KAZN: variants seen among roughly 807,000 people sequenced by gnomAD.
KAZN encodes kazrin.
KAZN carries 40 observed loss-of-function variants against 87.4 expected under a neutral mutation model. The observed-to-expected ratio is 0.46, with a 90% CI of 0.36 to 0.60. The LOEUF is 0.60. Among genes scored for constraint, KAZN ranks in the 20% least tolerant of loss-of-function variants. The pLI, the probability that KAZN is intolerant of heterozygous loss-of-function variation, is 0.00. For synonymous variants in KAZN, 466 were observed against 458.3 expected (o/e 1.02, Z -0.22); for missense variants, 898 against 1,073.9 (o/e 0.84, Z 2.29).
intron 2 of KAZN, among the ~76,000 whole-genome samples, chr1:14,549,852 C>G (rs1673399329): frequency 6.6e-6 from 1 of 152,198 alleles, no homozygotes; most frequent in Non-Finnish European, 1.5e-5. Context: ...GCAGCCATGG[C>G]TTTAGCCCCC....
At chr1:15,031,494 G>A (rs1289460336) in intron 2 of KAZN, among the ~76,000 whole-genome samples, 5 of 152,244 alleles carry the variant, frequency 3.3e-5, no homozygotes, top group East Asian at 3.8e-4. Context: ...AGCCAGCGCT[G>A]TGGGGAAGGA....
intron 1 of KAZN, among the ~76,000 whole-genome samples, chr1:13,939,870 G>C (rs1163216167): frequency 6.6e-6 from 1 of 152,056 alleles, no homozygotes; most frequent in Non-Finnish European, 1.5e-5. Context: ...GCAAGAGGGT[G>C]GTGGGGGAGG....
At chr1:14,225,282 C>G (rs1238115386) in intron 2 of KAZN, among the ~76,000 whole-genome samples, 1 of 151,802 alleles carries the variant, frequency 6.6e-6, no homozygotes. Context: ...AAATCAGGAC[C>G]ATAATCCCAT....
intron 2 of KAZN, among the ~76,000 whole-genome samples, chr1:14,239,924 G>A (rs1251009763): frequency 6.6e-6 from 1 of 152,136 alleles, no homozygotes; most frequent in Non-Finnish European, 1.5e-5. Flanking sequence ...ACAATGCCCA[G>A]GACAGCAGCT....
At chr1:14,924,021 C>A (rs1182185380) in intron 1 of KAZN, 10 of 718,276 alleles carry the variant, frequency 1.4e-5, no homozygotes, top group African/African-American at 6.0e-5. Context: ...GCTCCCCGGG[C>A]ACTGGGGCCA....
At chr1:14,734,999 C>A (rs906775625) in intron 1 of KAZN, among the ~76,000 whole-genome samples, 4 of 152,218 alleles carry the variant, frequency 2.6e-5, no homozygotes, top group Admixed American at 6.5e-5. Context: ...AGTAGGTGTG[C>A]CTTGTACGAG....
intron 1 of KAZN, among the ~76,000 whole-genome samples, chr1:14,721,615 G>A (rs997163690): frequency 6.6e-6 from 1 of 152,206 alleles, no homozygotes; most frequent in Non-Finnish European, 1.5e-5. Context: ...GCTGAGAGCA[G>A]GGGTACAAGT....
intron 8 of KAZN, 170 bp downstream of exon 8, chr1:15,065,923 G>T: frequency 6.9e-7 from 1 of 1,440,550 alleles, no homozygotes; most frequent in Non-Finnish European, 9.1e-7. Context: ...GCACACATGG[G>T]TGCTGGGTGT....
At chr1:14,821,584 G>T (rs143287364) in intron 1 of KAZN, among the ~76,000 whole-genome samples, 4 of 151,980 alleles carry the variant, frequency 2.6e-5, no homozygotes, top group African/African-American at 9.7e-5. Context: ...AATACAACTG[G>T]TGTCCTTGTA....
intron 2 of KAZN, among the ~76,000 whole-genome samples, chr1:14,385,411 T>A (rs1661786158): frequency 6.6e-6 from 1 of 152,210 alleles, no homozygotes; most frequent in African/African-American, 2.4e-5. Context: ...TGGTAGGGTG[T>A]CAATTTTGGA....
At chr1:14,542,287 A>C (rs1431576057) in intron 2 of KAZN, among the ~76,000 whole-genome samples, 1 of 103,698 alleles carries the variant, frequency 9.6e-6, no homozygotes, top group South Asian at 3.5e-4. Context: ...CACACCGGGG[A>C]CTGTTGTGGG....
intron 2 of KAZN, among the ~76,000 whole-genome samples, chr1:14,316,354 G>C (rs557376530): frequency 1.3e-5 from 2 of 151,968 alleles, no homozygotes; most frequent in Non-Finnish European, 2.9e-5. Flanking sequence ...GGTAAGAAGT[G>C]GTACATAATA....
chr1:14,415,990 AC>A (rs1280646715), intron 2 of KAZN, among the ~76,000 whole-genome samples: 1 of 152,194 alleles, frequency 6.6e-6, no homozygotes, highest in African/African-American at 2.4e-5. Flanking sequence ...ATGGGGAGAC[AC>A]CACATGCAGG....
chr1:14,880,065 T>A (rs1206721849), intron 1 of KAZN, among the ~76,000 whole-genome samples: 1 of 152,028 alleles, frequency 6.6e-6, no homozygotes, highest in African/African-American at 2.4e-5. Context: ...GCACAGGAGA[T>A]GAAGGTCTGA....
chr1:14,055,616 T>C (rs1557438021), intron 1 of KAZN, among the ~76,000 whole-genome samples: 1 of 152,108 alleles, frequency 6.6e-6, no homozygotes, highest in Non-Finnish European at 1.5e-5. Context: ...CTCCCCACAT[T>C]GGATCATCAG....
chr1:14,265,220 T>C (rs771918055), intron 2 of KAZN, among the ~76,000 whole-genome samples: 11 of 152,216 alleles, frequency 7.2e-5, no homozygotes, highest in Admixed American at 1.3e-4. Context: ...TCTAACACTA[T>C]TGTGGCTGAA....
intron 1 of KAZN, among the ~76,000 whole-genome samples, chr1:13,897,754 AG>A (rs1177980415): frequency 3.9e-5 from 6 of 152,184 alleles, no homozygotes; most frequent in Non-Finnish European, 5.9e-5. Flanking sequence ...GCTTCTGCAA[AG>A]GGTTTTAAAA....
intron 1 of KAZN, among the ~76,000 whole-genome samples, chr1:14,169,974 G>T (rs114376500): frequency 6.6e-5 from 10 of 152,112 alleles, no homozygotes; most frequent in Admixed American, 1.3e-4. Context: ...TTAAAGAGGC[G>T]CACTCTCTTC....
At chr1:14,093,981 T>G (rs1275037147) in intron 1 of KAZN, among the ~76,000 whole-genome samples, 1 of 152,192 alleles carries the variant, frequency 6.6e-6, no homozygotes, top group Non-Finnish European at 1.5e-5. Context: ...AGGACCCTGC[T>G]GGAATGAGAA....
Sources: allele counts gnomAD v4.1 joint callset (sites outside exome capture counted in the v4.1 genomes callset), GRCh38; gene constraint gnomAD v4.1.1; transcripts MANE v1.5; gene names NCBI Gene and HGNC (gene_info 2026-07-23, HGNC 2026-07-21).